Variants in HOXD3 observed in about 807,000 individuals in gnomAD.
HOXD3 encodes the protein homeobox D3.
A neutral mutation model predicts 32.8 loss-of-function variants in HOXD3; 13 were observed. The ratio of observed to expected loss-of-function variants is 0.40; its 90% CI spans 0.26 to 0.63. The LOEUF (loss-of-function observed/expected upper bound fraction) is 0.63. HOXD3 is among the 20% of genes least tolerant of loss of function. The pLI is 0.44. For synonymous variants in HOXD3, 241 were observed against 246.8 expected (o/e 0.98, Z 0.22); for missense variants, 504 against 577.1 (o/e 0.87, Z 1.30).
At chr2:176,171,495 C>G in intron 3 of HOXD3, 22 bp from the exon 4 acceptor site, 2 of 1,558,786 alleles carry the variant, frequency 1.3e-6, no homozygotes, top group Non-Finnish European at 1.7e-6. Flanking sequence ...TCAGCGCCCT[C>G]CCTCTCTCCC....
Position 176,171,978 on chromosome 2 carries a change from G to A in HOXD3, c.1003G>A (p.Glu335Lys), listed in dbSNP as rs1218861940. Reference protein sequence around the residue: ...QQKRYAAPEFEPHPMASNGGG... With the variant: ...QQKRYAAPEFKPHPMASNGGG... ...GAAGCGCTACGCAGCGCCGGAGTTCGAGCCCCATCCCATGGCGAGCAACGG... is the reference window on the plus strand; with the variant it reads ...GAAGCGCTACGCAGCGCCGGAGTTCAAGCCCCATCCCATGGCGAGCAACGG... Residue 335 changes from glutamate (E) to lysine (K), a missense_variant, in exon 4 of 4, where the codon GAG becomes AAG. This residue lies in a region of HOXD3 where 226 missense variants were observed against 246.9 expected (regional missense o/e 0.92). Coordinates refer to ENST00000683222, the MANE Select transcript of HOXD3 (RefSeq NM_006898.5). The A allele has an allele frequency of 6.2e-7, 1 of 1,610,622 alleles. No homozygotes were observed. The highest frequency in any genetic ancestry group is 8.5e-7 in the Non-Finnish European group (1 of 1,179,554).
At chr2:176,168,720 A>G (rs1691072075) in intron 2 of HOXD3, among the ~76,000 whole-genome samples, 1 of 152,218 alleles carries the variant, frequency 6.6e-6, no homozygotes. Context: ...AGCTATTAAT[A>G]CTGCAGAATA....
intron 3 of HOXD3, among the ~76,000 whole-genome samples, chr2:176,170,155 C>T (rs534553144): frequency 2.1e-4 from 32 of 152,260 alleles, no homozygotes; most frequent in African/African-American, 7.7e-4. Context: ...ATGATAACAT[C>T]CCCATTTTAC....
chr2:176,168,131 C>T (rs1446012172), intron 2 of HOXD3, among the ~76,000 whole-genome samples: 1 of 151,950 alleles, frequency 6.6e-6, no homozygotes, highest in Non-Finnish European at 1.5e-5. Flanking sequence ...ATAAGTTGAA[C>T]TTCATAAAAT....
Position 176,171,721 on chromosome 2 carries a change from A to G in HOXD3, c.746A>G (p.Tyr249Cys), listed in dbSNP as rs1040288320. 11 of 1,614,026 alleles carry G rather than the reference A, an allele frequency of 6.8e-6. No individual in the cohort carries two copies. Among genetic ancestry groups the G allele is most frequent in the Non-Finnish European group, 9.3e-6 (11 of 1,180,052 alleles). Residue 249 changes from tyrosine to cysteine, a missense_variant, in exon 4 of 4, where the codon TAC (tyrosine) becomes TGC (cysteine). Around this residue, in one of 3 missense-constraint regions of HOXD3, gnomAD observed 97 missense variants for 158.0 expected, o/e 0.61. Coordinates refer to ENST00000683222, the MANE Select transcript of HOXD3 (RefSeq NM_006898.5). Reference sequence around the variant, plus strand: ...TGGTTCCAGAACCGGCGCATGAAGTACAAGAAGGACCAGAAGGCCAAGGGC... The same window carrying G: ...TGGTTCCAGAACCGGCGCATGAAGTGCAAGAAGGACCAGAAGGCCAAGGGC... The part of the protein sequence containing the change: ...KIWFQNRRMK[Y>C]KKDQKAKGIL...
chr2:176,169,232 A>C lies in HOXD3; in HGVS notation c.118A>C (p.Thr40Pro). Residue 40 changes from threonine (T) to proline (P), a missense_variant, in exon 3 of 4, where the codon ACT (threonine) becomes CCT (proline). Thr to Pro is a conservative substitution (Grantham distance 38). Transcript: ENST00000683222. The part of the protein sequence containing the change: ...GGYGYSKTTD[T>P]YGYSTPHQPY... ...CTATGGCTACAGCAAAACTACGGAC[A>C]CTTACGGCTACAGCACCCCCCACCA... 6.2e-7 allele frequency: 1 copy of C among 1,614,138 alleles called. No individual in the cohort carries two copies. The highest frequency in any genetic ancestry group is 8.5e-7 in the Non-Finnish European group (1 of 1,180,014).
intron 1 of HOXD3, among the ~76,000 whole-genome samples, chr2:176,159,236 G>A (rs1412255499): frequency 6.6e-6 from 1 of 152,000 alleles, no homozygotes; most frequent in African/African-American, 2.4e-5. Flanking sequence ...TCCTCCGGGT[G>A]GGGGTGGGCT....
At chr2:176,171,355 T>C (rs1465844353) in intron 3 of HOXD3, among the ~76,000 whole-genome samples, 162 bp from the exon 4 acceptor site, 1 of 151,636 alleles carries the variant, frequency 6.6e-6, no homozygotes, top group Non-Finnish European at 1.5e-5. Flanking sequence ...GTAGGTGAAT[T>C]CCCCCTTGGA....
chr2:176,157,680 T>TTG (rs544684145), intron 1 of HOXD3, among the ~76,000 whole-genome samples: 1 of 151,752 alleles, frequency 6.6e-6, no homozygotes, highest in South Asian at 2.1e-4. Context: ...GCGCGCGCGC[T>TTG]TGTGTGTGTG....
chr2:176,155,266 G>A (rs1199973033), upstream of HOXD3, among the ~76,000 whole-genome samples: 1 of 152,128 alleles, frequency 6.6e-6, no homozygotes, highest in Admixed American at 6.5e-5. Flanking sequence ...ATATAATAGA[G>A]ATTTGTTGTA....
upstream of HOXD3, chr2:176,152,793 A>C: frequency 6.2e-7 from 1 of 1,614,128 alleles, no homozygotes; most frequent in Non-Finnish European, 8.5e-7. The surrounding 1 kb of genome is among the most constrained non-coding windows in gnomAD (Gnocchi z 5.2). Context: ...GAACCGGAGG[A>C]TGAAGTGGAA....
upstream of HOXD3, among the ~76,000 whole-genome samples, chr2:176,155,888 C>T (rs775549780): frequency 2.0e-5 from 3 of 152,156 alleles, no homozygotes; most frequent in South Asian, 2.1e-4. Context: ...CTTTGTCCAT[C>T]GCAGCCTTTT....
At chr2:176,152,864 T>C, upstream of HOXD3, 2 of 1,614,164 alleles carry the variant, frequency 1.2e-6, no homozygotes, top group Non-Finnish European at 1.7e-6. This position sits in a 1 kb window ranked among gnomAD's most constrained non-coding sequence, Gnocchi z 5.2. Flanking sequence ...CCTCCTCATC[T>C]TGCTCCTCCT....
upstream of HOXD3, among the ~76,000 whole-genome samples, chr2:176,156,835 A>C (rs888631424): frequency 6.6e-6 from 1 of 152,240 alleles, no homozygotes; most frequent in Admixed American, 6.5e-5. Flanking sequence ...GCATAAAATC[A>C]GACATCTGTC....
intron 1 of HOXD3, among the ~76,000 whole-genome samples, chr2:176,161,690 C>T (rs1690810434): frequency 6.6e-6 from 1 of 152,186 alleles, no homozygotes; most frequent in African/African-American, 2.4e-5. Context: ...CTTTTCCTCC[C>T]AAAATTTGAG....
chr2:176,161,283 C>G (rs1283822564), intron 1 of HOXD3, among the ~76,000 whole-genome samples: 3 of 152,126 alleles, frequency 2.0e-5, no homozygotes. Flanking sequence ...TTTGTGGGGA[C>G]GTTCCCCGCC....
intron 2 of HOXD3, among the ~76,000 whole-genome samples, chr2:176,166,955 T>A (rs728521): frequency 6.6e-6 from 1 of 152,036 alleles, no homozygotes; most frequent in Non-Finnish European, 1.5e-5. Flanking sequence ...TGGTACATCA[T>A]GATGACCAGG....
In HOXD3 at chr2:176,169,261, C is replaced by G; in HGVS notation, c.147C>G (p.Pro49=). Residue 49 remains proline, a synonymous_variant, in exon 3 of 4, where the codon CCC becomes CCG. Transcript: ENST00000683222. ...ACGGCTACAGCACCCCCCACCAGCC[C>G]TACCCACCCCCTGCTGCTGCCAGCT... is the stretch of plus-strand genomic sequence containing the variant. The part of the protein sequence containing the change: ...DTYGYSTPHQ[P]YPPPAAASSL... 6.2e-7 allele frequency: 1 copy of G among 1,614,112 alleles called. No homozygotes were observed. The highest frequency in any genetic ancestry group is 8.5e-7 in the Non-Finnish European group (1 of 1,179,996).
chr2:176,172,039 C>G lies in HOXD3; in HGVS notation c.1064C>G (p.Pro355Arg). The change falls in exon 4 of 4, where the codon CCG (proline) becomes CGG (arginine). Residue 355 changes from proline (P) to arginine (R), a missense_variant. Around this residue, in one of 3 missense-constraint regions of HOXD3, gnomAD observed 226 missense variants for 246.9 expected, o/e 0.92. Transcript: ENST00000683222. ...GFASANLQGS[P>R]VYVGGNFVES... ...GCCAGCGCCAACTTGCAGGGCAGCC[C>G]GGTGTACGTGGGCGGCAACTTCGTC... The G allele has an allele frequency of 1.9e-6, 3 of 1,608,258 alleles. No individual in the cohort carries two copies. Among genetic ancestry groups the G allele is most frequent in the Admixed American group, 3.3e-5 (2 of 59,828 alleles).
Sources: allele counts gnomAD v4.1 joint callset (sites outside exome capture counted in the v4.1 genomes callset), GRCh38; gene constraint gnomAD v4.1.1; regional missense constraint gnomAD v4.1.1; non-coding constraint Gnocchi (gnomAD v3.1); transcripts MANE v1.5; gene names NCBI Gene and HGNC (gene_info 2026-07-23, HGNC 2026-07-21).